PEAK1: variants seen among roughly 807,000 people sequenced by gnomAD.
The protein encoded by PEAK1 is inactive tyrosine-protein kinase PEAK1.
A neutral mutation model predicts 124.7 loss-of-function variants in PEAK1; 54 were observed. That is an observed-to-expected ratio of 0.43 (90% CI 0.35 to 0.54). The LOEUF is 0.54. Among genes scored for constraint, PEAK1 ranks in the 20% least tolerant of loss-of-function variants. The pLI, the probability that PEAK1 is intolerant of heterozygous loss-of-function variation, is 0.01. For synonymous variants in PEAK1, 719 were observed against 760.0 expected (o/e 0.95, Z 0.89); for missense variants, 2,046 against 2,134.5 (o/e 0.96, Z 0.82).
intron 1 of PEAK1, chr15:77,402,365 TCTC>T (rs980357685): frequency 3.0e-6 from 3 of 985,310 alleles, no homozygotes; most frequent in Non-Finnish European, 2.4e-6. Flanking sequence ...AGTTCCTTCT[TCTC>T]CTCTTTAAAT....
At chr15:77,164,166 TG>T (rs1391241411) in intron 7 of PEAK1, among the ~76,000 whole-genome samples, 1 of 152,226 alleles carries the variant, frequency 6.6e-6, no homozygotes. Context: ...GTCATCAACT[TG>T]ATTTTGCCAC....
At chr15:77,205,197 A>G (rs960150741) in intron 6 of PEAK1, 6 of 268,808 alleles carry the variant, frequency 2.2e-5, no homozygotes, top group Non-Finnish European at 4.2e-5. Flanking sequence ...AAGTTTTTTT[A>G]GTAGCTCTAG....
chr15:77,261,354 A>G (rs1188034062), intron 5 of PEAK1, among the ~76,000 whole-genome samples: 1 of 152,182 alleles, frequency 6.6e-6, no homozygotes, highest in Admixed American at 6.5e-5. Flanking sequence ...AACCCATGGC[A>G]AAGAAGTTAA....
intron 6 of PEAK1, among the ~76,000 whole-genome samples, chr15:77,183,403 T>C (rs559320921): frequency 7.2e-5 from 11 of 152,288 alleles, no homozygotes; most frequent in Non-Finnish European, 1.6e-4. Flanking sequence ...GAAATTACAT[T>C]TTTCAAAGAT....
exon 7 of PEAK1, chr15:77,101,664 C>T (rs1449240396): frequency 6.6e-6 from 1 of 152,212 alleles, no homozygotes; most frequent in African/African-American, 2.4e-5. Flanking sequence ...AGGCCCCTTA[C>T]AAGCTCAGAA....
intron 7 of PEAK1, 46 bp from the exon 8 acceptor site, chr15:77,158,742 A>G: frequency 6.3e-7 from 1 of 1,581,136 alleles, no homozygotes; most frequent in Non-Finnish European, 8.7e-7. Context: ...GGAAGGTTCT[A>G]CTAAAATTTA....
chr15:77,189,266 T>C (rs550165378), intron 6 of PEAK1, among the ~76,000 whole-genome samples: 1 of 152,296 alleles, frequency 6.6e-6, no homozygotes, highest in South Asian at 2.1e-4. Context: ...ATACTATTAT[T>C]TGCCCTACTT....
At chr15:77,283,759 G>T (rs2062787455) in intron 5 of PEAK1, 124 bp downstream of exon 5, 1 of 277,166 alleles carries the variant, frequency 3.6e-6, no homozygotes, top group Non-Finnish European at 5.5e-6. Flanking sequence ...CATTAGTCAG[G>T]ATAACGTATG....
chr15:77,384,049 T>C (rs1314682230), intron 1 of PEAK1, among the ~76,000 whole-genome samples: 1 of 152,212 alleles, frequency 6.6e-6, no homozygotes, highest in Non-Finnish European at 1.5e-5. Flanking sequence ...AATAAAAATG[T>C]AAGTGAATTC....
chr15:77,261,787 A>G (rs1462008348), intron 5 of PEAK1, among the ~76,000 whole-genome samples: 9 of 152,182 alleles, frequency 5.9e-5, no homozygotes, highest in Non-Finnish European at 1.3e-4. Context: ...CCAGAAGAGC[A>G]ACTCTAAGAC....
intron 5 of PEAK1, among the ~76,000 whole-genome samples, chr15:77,264,910 T>C (rs1253825623): frequency 6.6e-6 from 1 of 151,980 alleles, no homozygotes; most frequent in East Asian, 1.9e-4. Context: ...AACAGAGATA[T>C]AGATCAATGG....
Position 77,108,763 on chromosome 15 carries a change from C to G in PEAK1, c.*5393G>C, listed in dbSNP as rs889241232. 2.0e-5 allele frequency: 3 copies of G among 152,152 alleles called. No individual in the cohort carries two copies. In the East Asian group the frequency reaches 5.8e-4, roughly 29 times the overall value. The allele number at this position is 152,152 out of a possible 1,614,324, so 9.4% of individuals were successfully genotyped here. A position where few individuals can be genotyped will look rare whatever the true frequency, so the allele number is the denominator to read the frequency against. On this transcript the variant is annotated 3_prime_UTR_variant, in exon 10 of 10. Transcript: ENST00000682557. ...TCTGCTAGGTTAAAAAATGTCCGAC[C>G]TCTTTTGATTCCCTGAAACTTTCTT...
intron 5 of PEAK1, among the ~76,000 whole-genome samples, chr15:77,258,848 T>A (rs1596947853): frequency 6.6e-6 from 1 of 152,200 alleles, no homozygotes; most frequent in South Asian, 2.1e-4. Context: ...TTCAGTATGA[T>A]GTTGGCTGTG....
intron 6 of PEAK1, among the ~76,000 whole-genome samples, chr15:77,250,919 A>T (rs1344509773): frequency 6.6e-6 from 1 of 152,198 alleles, no homozygotes; most frequent in African/African-American, 2.4e-5. Flanking sequence ...TAGAACATTC[A>T]TTCTTTGGTA....
Position 77,344,053 on chromosome 15 carries a change from A to G in PEAK1, c.-603+21110T>C, listed in dbSNP as rs2066717307. Among the ~76,000 whole-genome samples, 3 of 152,270 alleles carry G rather than the reference A, an allele frequency of 2.0e-5. No homozygotes were observed. The South Asian group carries it at 6.2e-4, about 32-fold the overall frequency. On this transcript the variant is annotated intron_variant, in intron 2 of 9. Coordinates refer to ENST00000682557, the MANE Select transcript of PEAK1 (RefSeq NM_001385026.1). The stretch of plus-strand genomic sequence containing the variant: ...GAATGGTCTCGCCACCCTTGTTGAA[A>G]ATCATTTGACTATATAAGCAAGGAT...
At chr15:77,333,142 C>T in intron 2 of PEAK1, 1 of 962,078 alleles carries the variant, frequency 1.0e-6, no homozygotes, top group Non-Finnish European at 1.2e-6. Context: ...AACTAAAACA[C>T]TTTATTTATT....
At chr15:77,189,445 G>GCAC (rs1414719713) in intron 6 of PEAK1, among the ~76,000 whole-genome samples, 1 of 152,054 alleles carries the variant, frequency 6.6e-6, no homozygotes, top group Non-Finnish European at 1.5e-5. Context: ...CCACACAGCA[G>GCAC]CAGCAGCAGC....
At chr15:77,315,695 C>T (rs908310957) in intron 2 of PEAK1, among the ~76,000 whole-genome samples, 1 of 150,892 alleles carries the variant, frequency 6.6e-6, no homozygotes, top group Admixed American at 6.6e-5. Flanking sequence ...AGGAAAAAAA[C>T]CCATGAGTCT....
chr15:77,336,893 G>GAA (rs1156406027), intron 2 of PEAK1, among the ~76,000 whole-genome samples: 25 of 136,062 alleles, frequency 1.8e-4, no homozygotes, highest in African/African-American at 6.4e-4. Context: ...AGGGCTAAAT[G>GAA]AAAAAAAAAA....
Sources: allele counts gnomAD v4.1 joint callset (sites outside exome capture counted in the v4.1 genomes callset), GRCh38; gene constraint gnomAD v4.1.1; transcripts MANE v1.5; gene names NCBI Gene and HGNC (gene_info 2026-07-23, HGNC 2026-07-21).